Variants in SCAMP2 observed in about 807,000 individuals in gnomAD.
SCAMP2 encodes the protein secretory carrier membrane protein 2.
In SCAMP2, 25 loss-of-function variants were observed where a neutral mutation model predicts 44.1. The ratio of observed to expected loss-of-function variants is 0.57; its 90% CI spans 0.41 to 0.79. SCAMP2 has a LOEUF of 0.79. SCAMP2 is among the 30% of genes least tolerant of loss of function. The pLI is 0.00. For synonymous variants in SCAMP2, 156 were observed against 166.0 expected, an observed-to-expected ratio of 0.94 and a Z score of 0.46; for missense variants, 355 against 411.0, an observed-to-expected ratio of 0.86 and a Z score of 1.18.
chr15:74,865,391 A>AG (rs930549325), intron 1 of SCAMP2, among the ~76,000 whole-genome samples: 3 of 151,180 alleles, frequency 2.0e-5, no homozygotes, highest in East Asian at 1.9e-4. Flanking sequence ...AAAAAAAAAA[A>AG]AAAGAAAAGA....
chr15:74,855,529 C>A (rs1385843602), intron 1 of SCAMP2, among the ~76,000 whole-genome samples: 2 of 151,666 alleles, frequency 1.3e-5, no homozygotes, highest in Non-Finnish European at 2.9e-5. Context: ...CCAGCCTGAC[C>A]AACATGGAGA....
chr15:74,848,686 G>T lies in SCAMP2; in HGVS notation c.648C>A (p.Phe216Leu). The change falls in exon 7 of 9, where the codon TTC becomes TTA. Residue 216 changes from phenylalanine (F) to leucine (L), a missense_variant. Phe to Leu is a conservative substitution (Grantham distance 22, BLOSUM62 0). Transcript: ENST00000268099. ...ATACAAAGAAGAACACAAAGAAGCTGAAAGAGTTGTCGGACCTGTGGAGAG... is the reference window on the plus strand; with the variant it reads ...ATACAAAGAAGAACACAAAGAAGCTTAAAGAGTTGTCGGACCTGTGGAGAG... The part of the protein sequence containing the change: ...IYKAFRSDNS[F>L]SFFVFFFVFF... 1.9e-6 allele frequency: 3 copies of T among 1,613,256 alleles called. No homozygotes were observed. The highest frequency in any genetic ancestry group is 2.5e-6 in the Non-Finnish European group (3 of 1,179,322).
Position 74,845,123 on chromosome 15 carries a change from G to A in SCAMP2, c.950C>T (p.Ala317Val). 6.2e-7 allele frequency: 1 copy of A among 1,614,100 alleles called. No homozygotes were observed. Among genetic ancestry groups the A allele is most frequent in the South Asian group, 1.1e-5 (1 of 91,086 alleles). ...GIFSSRTFHR[A>V]ASSAAQGAFQ... is the part of the protein sequence containing the mutation. ...GGCTCCTTGGGCAGCAGATGAAGCAGCTCTGTGGAAGGTTCTGCTGCTGAA... is the reference window on the plus strand; with the variant it reads ...GGCTCCTTGGGCAGCAGATGAAGCAACTCTGTGGAAGGTTCTGCTGCTGAA... Residue 317 changes from alanine (A) to valine (V), a missense_variant, in exon 9 of 9, where the codon GCT becomes GTT. By Grantham distance (64) the Ala-to-Val change is moderately conservative. Transcript: ENST00000268099.
At position 74,845,547 on chromosome 15, in the gene SCAMP2, T is replaced by C. The variant is rs1293192455; in HGVS notation, c.781A>G (p.Ile261Val). The C allele has an allele frequency of 6.2e-7, 1 of 1,614,086 alleles. No individual in the cohort carries two copies. The highest frequency in any genetic ancestry group is 8.5e-7 in the Non-Finnish European group (1 of 1,179,998). The change falls in exon 8 of 9, where the codon ATA becomes GTA. Residue 261 changes from isoleucine (I) to valine (V), a missense_variant. Coordinates refer to ENST00000268099, the MANE Select transcript of SCAMP2 (RefSeq NM_005697.5). Reference sequence around the variant, plus strand: ...GCCACCACCATCATGATGACTGATATGGCCAGGGAATGATTATCCAGTGTA... The same window carrying C: ...GCCACCACCATCATGATGACTGATACGGCCAGGGAATGATTATCCAGTGTA... Reference protein sequence around the residue: ...LSTLDNHSLAISVIMMVVAGF... With the variant: ...LSTLDNHSLAVSVIMMVVAGF...
At chr15:74,865,825 C>T (rs974261306) in intron 1 of SCAMP2, among the ~76,000 whole-genome samples, 2 of 142,256 alleles carry the variant, frequency 1.4e-5, no homozygotes, top group African/African-American at 5.2e-5. Context: ...ATGGTGTTTG[C>T]CTGTAGTCCC....
Position 74,850,435 on chromosome 15 carries a change from G to A in SCAMP2, c.632+79C>T, listed in dbSNP as rs1222946369. 4.2e-5 allele frequency: 54 copies of A among 1,279,918 alleles called. No homozygotes were observed. The East Asian group carries it at 6.5e-4, about 15-fold the overall frequency. 79.3% of individuals were successfully genotyped at this position (1,279,918 alleles called of 1,614,324 possible). On this transcript the variant is annotated intron_variant, in intron 6 of 8. Coordinates refer to ENST00000268099, the MANE Select transcript of SCAMP2 (RefSeq NM_005697.5). ...TATTCTGCTCTAAGACTCAGATGGGGTCCCAGGGCCTATAGCCCTTAGCCT... is the reference window on the plus strand; with the variant it reads ...TATTCTGCTCTAAGACTCAGATGGGATCCCAGGGCCTATAGCCCTTAGCCT...
chr15:74,850,601 A>C lies in SCAMP2; in HGVS notation c.545T>G (p.Val182Gly), dbSNP rs1021179946. The C allele has an allele frequency of 1.2e-6, 2 of 1,613,730 alleles. No individual in the cohort carries two copies. The highest frequency in any genetic ancestry group is 1.7e-6 in the Non-Finnish European group (2 of 1,179,890). ...AWFSGNSSKG[V>G]DFGLSILWFL... is the part of the protein sequence containing the mutation. ...CCACAGGATGGAGAGGCCAAAGTCC[A>C]CTCCCTTGGAGCTGTTGCCCGAGAA... Residue 182 changes from valine (V) to glycine (G), a missense_variant, in exon 6 of 9, where the codon GTG becomes GGG. Val to Gly is a moderately radical substitution (Grantham distance 109). Transcript: ENST00000268099.
In SCAMP2 at chr15:74,844,399, G is replaced by A. The variant is rs1200093522; in HGVS notation, c.*684C>T. 6.6e-6 allele frequency: 1 copy of A among 152,246 alleles called. No individual in the cohort carries two copies. Among genetic ancestry groups the A allele is most frequent in the East Asian group, 1.9e-4 (1 of 5,188 alleles). The allele number at this position is 152,246 out of a possible 1,614,324, so 9.4% of individuals were successfully genotyped here. A position where few individuals can be genotyped will look rare whatever the true frequency, so the allele number is the denominator to read the frequency against. On this transcript the variant is annotated 3_prime_UTR_variant, in exon 9 of 9. Transcript: ENST00000268099. Reference sequence around the variant, plus strand: ...AGAGAGTAAGGCTCAGCAAGGGGAGGGCTCCAGAGGGCTCAAAGTGCCATC... The same window carrying A: ...AGAGAGTAAGGCTCAGCAAGGGGAGAGCTCCAGAGGGCTCAAAGTGCCATC...
At position 74,873,318 on chromosome 15, in the gene SCAMP2, C is replaced by A; in HGVS notation, c.-63G>T. The A allele has an allele frequency of 7.0e-7, 1 of 1,425,346 alleles. No homozygotes were observed. The highest frequency in any genetic ancestry group is 9.2e-7 in the Non-Finnish European group (1 of 1,082,908). The allele number at this position is 1,425,346 out of a possible 1,614,324, so 88.3% of individuals were successfully genotyped here. A position where few individuals can be genotyped will look rare whatever the true frequency, so the allele number is the denominator to read the frequency against. ...GCTGCCTCCGGGCACCCAGACCCAGCGGCGCTTCGTGTAGACCCTCCACTT... is the reference window on the plus strand; with the variant it reads ...GCTGCCTCCGGGCACCCAGACCCAGAGGCGCTTCGTGTAGACCCTCCACTT... On this transcript the variant is annotated 5_prime_UTR_variant, in exon 1 of 9. Coordinates refer to ENST00000268099, the MANE Select transcript of SCAMP2 (RefSeq NM_005697.5).
At chr15:74,872,770 C>T (rs1430097714) in intron 1 of SCAMP2, among the ~76,000 whole-genome samples, 1 of 152,178 alleles carries the variant, frequency 6.6e-6, no homozygotes, top group Non-Finnish European at 1.5e-5. Flanking sequence ...CATTTTTCCC[C>T]TCCACCAGAG....
intron 1 of SCAMP2, among the ~76,000 whole-genome samples, chr15:74,870,638 C>CG (rs1462970792): frequency 6.6e-6 from 1 of 152,122 alleles, no homozygotes; most frequent in Non-Finnish European, 1.5e-5. Flanking sequence ...TCCTTGCAAA[C>CG]GCTCTGTCAA....
At chr15:74,854,361 T>TG (rs1307342115) in intron 2 of SCAMP2, among the ~76,000 whole-genome samples, 1 of 152,210 alleles carries the variant, frequency 6.6e-6, no homozygotes, top group Non-Finnish European at 1.5e-5. Context: ...CTGACCTCCT[T>TG]GGGGAGGGGC....
At chr15:74,851,904 G>T in intron 4 of SCAMP2, 165 bp downstream of exon 4, 1 of 522,500 alleles carries the variant, frequency 1.9e-6, no homozygotes, top group Non-Finnish European at 3.4e-6. Flanking sequence ...CAGGTCTCCT[G>T]ACTTGCAACT....
chr15:74,858,647 G>A (rs2064482040), intron 1 of SCAMP2, among the ~76,000 whole-genome samples: 1 of 151,982 alleles, frequency 6.6e-6, no homozygotes, highest in Non-Finnish European at 1.5e-5. Flanking sequence ...AGATGGTAAA[G>A]CTGAGTGGGG....
chr15:74,851,946 T>C (rs1003935052), intron 4 of SCAMP2, 123 bp downstream of exon 4: 3 of 600,430 alleles, frequency 5.0e-6, no homozygotes, highest in Admixed American at 2.9e-5. Flanking sequence ...CATCCTGTGA[T>C]GAGAAGAGCC....
chr15:74,850,482 A>G (rs758525396), intron 6 of SCAMP2, 32 bp downstream of exon 6: 2 of 1,606,826 alleles, frequency 1.2e-6, no homozygotes, highest in Non-Finnish European at 1.7e-6. Flanking sequence ...TGCCAGCCAT[A>G]AAGTCTCACC....
intron 4 of SCAMP2, chr15:74,851,761 T>C (rs1184386269): frequency 4.1e-6 from 2 of 482,640 alleles, no homozygotes; most frequent in Non-Finnish European, 7.4e-6. Context: ...AAGCAGCCCA[T>C]AAGTGTGAGA....
intron 1 of SCAMP2, among the ~76,000 whole-genome samples, chr15:74,865,400 G>A: frequency 7.1e-6 from 1 of 140,678 alleles, no homozygotes; most frequent in African/African-American, 2.5e-5. Context: ...AAAAAGAAAA[G>A]AAAAGAAAAA....
intron 3 of SCAMP2, chr15:74,852,860 C>G (rs1342692910): frequency 6.5e-6 from 1 of 152,932 alleles, no homozygotes; most frequent in Non-Finnish European, 1.5e-5. Context: ...GGTAGAGCCT[C>G]TGAGTAACAG....
Sources: gnomAD v4.1 joint callset for allele counts (sites outside exome capture counted in the v4.1 genomes callset) on GRCh38, gnomAD v4.1.1 for gene constraint, MANE v1.5 for transcripts, NCBI Gene and HGNC (gene_info 2026-07-23, HGNC 2026-07-21) for gene names.